GALNTL6: variants seen among roughly 807,000 people sequenced by gnomAD.
The protein encoded by GALNTL6 is polypeptide N-acetylgalactosaminyltransferase-like 6.
In GALNTL6, 46 loss-of-function variants were observed where a neutral mutation model predicts 73.7. The ratio of observed to expected loss-of-function variants is 0.62; its 90% CI spans 0.49 to 0.80. The LOEUF (loss-of-function observed/expected upper bound fraction) is 0.80, where lower values mean the gene tolerates loss of function less well. Among genes scored for constraint, GALNTL6 ranks in the 30% least tolerant of loss-of-function variants. GALNTL6 has a pLI of 0.00. For missense variants in GALNTL6, 604 were observed against 755.0 expected (o/e 0.80, Z 2.34); for synonymous variants, 259 against 263.7 (o/e 0.98, Z 0.17).
intron 5 of GALNTL6, among the ~76,000 whole-genome samples, chr4:172,359,955 T>C (rs927681105): frequency 5.3e-5 from 8 of 152,136 alleles, no homozygotes; most frequent in Non-Finnish European, 8.8e-5. Flanking sequence ...CCTGAACATA[T>C]TGTTTTTGCT....
chr4:171,986,114 G>A (rs906889015), intron 2 of GALNTL6, among the ~76,000 whole-genome samples: 11 of 149,700 alleles, frequency 7.3e-5, no homozygotes, highest in Non-Finnish European at 1.3e-4. Context: ...TTTCACTCAC[G>A]TCCATGTGAA....
chr4:172,565,144 C>G (rs891150715), intron 5 of GALNTL6, among the ~76,000 whole-genome samples: 1 of 152,142 alleles, frequency 6.6e-6, no homozygotes, highest in Non-Finnish European at 1.5e-5. Context: ...CCACTAATCC[C>G]ATTTATGAAG....
At chr4:171,954,491 A>G (rs1226599693) in intron 2 of GALNTL6, among the ~76,000 whole-genome samples, 1 of 152,252 alleles carries the variant, frequency 6.6e-6, no homozygotes, top group Non-Finnish European at 1.5e-5. Context: ...ACGTAAGAAT[A>G]CAGATGCTTC....
intron 2 of GALNTL6, among the ~76,000 whole-genome samples, chr4:171,939,270 AAGTGCTAATCAATAT>A (rs1464033604): frequency 6.6e-6 from 1 of 152,056 alleles, no homozygotes; most frequent in Non-Finnish European, 1.5e-5. Flanking sequence ...TGATTTTGCC[AAGTGCTAATCAATAT>A]ACTGATTTTT....
intron 12 of GALNTL6, among the ~76,000 whole-genome samples, chr4:173,032,595 C>T (rs953116752): frequency 1.3e-5 from 2 of 151,998 alleles, no homozygotes; most frequent in Non-Finnish European, 2.9e-5. Context: ...TGAGAGGGAA[C>T]GATTGTTTGA....
At chr4:172,633,790 A>G (rs983297231) in intron 5 of GALNTL6, among the ~76,000 whole-genome samples, 2 of 152,128 alleles carry the variant, frequency 1.3e-5, no homozygotes, top group African/African-American at 4.8e-5. Context: ...CCGGGTGGAG[A>G]TGATTGAATC....
chr4:172,705,532 A>G (rs985744737), intron 5 of GALNTL6, among the ~76,000 whole-genome samples: 1 of 149,172 alleles, frequency 6.7e-6, no homozygotes. Context: ...ACATCTTTTT[A>G]TATTGCCTAT....
At chr4:172,512,689 C>T (rs768790104) in intron 5 of GALNTL6, among the ~76,000 whole-genome samples, 22 of 152,034 alleles carry the variant, frequency 1.4e-4, no homozygotes, top group Non-Finnish European at 2.9e-4. Flanking sequence ...TGTATCTTTC[C>T]TTCATTTATA....
At chr4:172,497,653 T>A (rs1734112248) in intron 5 of GALNTL6, among the ~76,000 whole-genome samples, 1 of 152,252 alleles carries the variant, frequency 6.6e-6, no homozygotes, top group African/African-American at 2.4e-5. Context: ...AATAGTTATG[T>A]AACAATTATT....
chr4:171,931,346 C>G (rs76884412), intron 2 of GALNTL6, among the ~76,000 whole-genome samples: 509 of 152,178 alleles, frequency 3.3e-3, no homozygotes, highest in Non-Finnish European at 5.6e-3. Flanking sequence ...CACAACCGGC[C>G]CAGCTTTCAC....
chr4:173,009,795 C>A (rs1262764341), intron 11 of GALNTL6, among the ~76,000 whole-genome samples: 1 of 152,138 alleles, frequency 6.6e-6, no homozygotes. Context: ...AGCAACAGCA[C>A]CCCAACATGG....
chr4:172,001,686 G>T (rs925404934), intron 2 of GALNTL6, among the ~76,000 whole-genome samples: 2 of 152,044 alleles, frequency 1.3e-5, no homozygotes, highest in East Asian at 3.9e-4. Flanking sequence ...CAGTAAGTCC[G>T]CTCTATGCAA....
chr4:172,337,697 T>G (rs933769273), intron 4 of GALNTL6, among the ~76,000 whole-genome samples: 2 of 94,422 alleles, frequency 2.1e-5, no homozygotes, highest in Non-Finnish European at 3.0e-5. Flanking sequence ...TTTAAGGTTT[T>G]TTGTTTTTTT....
chr4:172,792,777 A>G (rs66925824), intron 5 of GALNTL6, among the ~76,000 whole-genome samples: 82,100 of 151,130 alleles, frequency 0.54, 25,844 homozygotes, highest in Non-Finnish European at 0.71. Flanking sequence ...GTGTTTTCAT[A>G]ATAAAGAACC....
At chr4:172,250,425 A>G (rs982140767) in intron 3 of GALNTL6, among the ~76,000 whole-genome samples, 1 of 152,144 alleles carries the variant, frequency 6.6e-6, no homozygotes, top group Non-Finnish European at 1.5e-5. Context: ...AAAAGGCACG[A>G]TTGTGTTTTA....
intron 2 of GALNTL6, among the ~76,000 whole-genome samples, chr4:172,173,294 A>G (rs963389368): frequency 6.6e-6 from 1 of 152,218 alleles, no homozygotes; most frequent in East Asian, 1.9e-4. Flanking sequence ...AAATGACGGC[A>G]TATATCCAGT....
chr4:172,633,543 A>G (rs772487231), intron 5 of GALNTL6, among the ~76,000 whole-genome samples: 2 of 152,152 alleles, frequency 1.3e-5, no homozygotes, highest in Non-Finnish European at 2.9e-5. Flanking sequence ...TTGATTTTAC[A>G]GGCTTATAGG....
chr4:172,673,569 G>T (rs1286235070), intron 5 of GALNTL6, among the ~76,000 whole-genome samples: 1 of 152,096 alleles, frequency 6.6e-6, no homozygotes, highest in South Asian at 2.1e-4. Context: ...TTGTCAGTGG[G>T]TTGTTAAAGT....
chr4:171,988,787 C>G (rs758630600), intron 2 of GALNTL6, among the ~76,000 whole-genome samples: 122 of 151,994 alleles, frequency 8.0e-4, no homozygotes, highest in East Asian at 3.7e-3. Context: ...GGCATTGAGC[C>G]GGGTAAGAGT....
Sources: gnomAD v4.1 joint callset for allele counts (sites outside exome capture counted in the v4.1 genomes callset) on GRCh38, gnomAD v4.1.1 for gene constraint, MANE v1.5 for transcripts, NCBI Gene and HGNC (gene_info 2026-07-23, HGNC 2026-07-21) for gene names.